PLB1: variants seen among roughly 807,000 people sequenced by gnomAD.
PLB1 encodes the protein phospholipase B1, membrane-associated.
In PLB1, 242 loss-of-function variants were observed where a neutral mutation model predicts 227.4. The ratio of observed to expected loss-of-function variants is 1.06; its 90% CI spans 0.96 to 1.18. The LOEUF is 1.18. Ranked by LOEUF, PLB1 falls within the 50% of genes most tolerant of loss-of-function variation. The pLI is 0.00. For missense variants in PLB1, 1,858 were observed against 1,816.3 expected (o/e 1.02, Z -0.42); for synonymous variants, 757 against 682.2 (o/e 1.11, Z -1.71).
chr2:28,612,882 T>C (rs1191231105), intron 43 of PLB1, among the ~76,000 whole-genome samples: 1 of 150,682 alleles, frequency 6.6e-6, no homozygotes, highest in Non-Finnish European at 1.5e-5. Context: ...CCTCCCAAAG[T>C]GCTGGGGTTA....
chr2:28,539,912 C>A (rs376449556), intron 11 of PLB1, among the ~76,000 whole-genome samples: 6 of 151,434 alleles, frequency 4.0e-5, no homozygotes, highest in African/African-American at 1.5e-4. Context: ...CATTCCATAT[C>A]TACCCCCCAG....
At position 28,582,645 on chromosome 2, in the gene PLB1, C is replaced by G. The variant is rs190140468; in HGVS notation, c.1733+140C>G. The G allele has an allele frequency of 6.1e-4, 413 of 677,138 alleles. 1 individual carries two copies. In the African/African-American group the frequency reaches 6.3e-3, roughly 10 times the overall value. The allele number at this position is 677,138 out of a possible 1,614,324, so 41.9% of individuals were successfully genotyped here. ...ACCCCATCTTCTAACCTGGAAAAGC[C>G]TAAGGGGAGGATATCCTAGGATTTT... On this transcript the variant is annotated intron_variant, in intron 25 of 57. Transcript: ENST00000327757.
intron 17 of PLB1, among the ~76,000 whole-genome samples, chr2:28,562,577 A>T (rs1453251956): frequency 2.1e-5 from 3 of 145,550 alleles, no homozygotes; most frequent in African/African-American, 7.7e-5. Flanking sequence ...GCATAAAAGT[A>T]TTCCTTTTTC....
At chr2:28,562,714 T>C (rs1676262298) in intron 17 of PLB1, among the ~76,000 whole-genome samples, 1 of 152,034 alleles carries the variant, frequency 6.6e-6, no homozygotes, top group South Asian at 2.1e-4. Context: ...CAAATCACCT[T>C]GCCAAGGGCC....
intron 20 of PLB1, among the ~76,000 whole-genome samples, chr2:28,567,299 A>G (rs1020126376): frequency 8.5e-5 from 13 of 152,110 alleles, no homozygotes; most frequent in African/African-American, 2.9e-4. Flanking sequence ...CCTGGGGCGC[A>G]GGCACAGCTG....
rs749185463 is a variant in PLB1, at chr2:28,525,266, G to T, written c.244-1G>T. ...GTGTTAACATTGAGTATCTATTCCAGCCTCCAGACCCAGGGACGGGCGATC... is the reference window on the plus strand; with the variant it reads ...GTGTTAACATTGAGTATCTATTCCATCCTCCAGACCCAGGGACGGGCGATC... On this transcript the variant is annotated splice_acceptor_variant, in intron 4 of 57. Transcript: ENST00000327757. LOFTEE classifies it high-confidence loss of function. The T allele has an allele frequency of 6.2e-7, 1 of 1,613,314 alleles. No individual in the cohort carries two copies. Among genetic ancestry groups the T allele is most frequent in the Non-Finnish European group, 8.5e-7 (1 of 1,179,888 alleles).
At chr2:28,640,807 C>T (rs973687288) in intron 56 of PLB1, 120 bp from the exon 57 acceptor site, 9 of 1,022,562 alleles carry the variant, frequency 8.8e-6, no homozygotes, top group South Asian at 3.1e-5. Flanking sequence ...CCAGCCACTT[C>T]GCTGGTTTCT....
chr2:28,641,064 C>T, intron 57 of PLB1, 63 bp downstream of exon 57: 1 of 1,500,028 alleles, frequency 6.7e-7, no homozygotes, highest in Non-Finnish European at 9.1e-7. Flanking sequence ...TGTCCTGTCC[C>T]CTGGAAGCAC....
intron 14 of PLB1, 147 bp downstream of exon 14, chr2:28,543,415 G>A (rs1268911139): frequency 2.7e-5 from 22 of 828,610 alleles, no homozygotes; most frequent in East Asian, 2.2e-4. Flanking sequence ...TCTGTCTCCC[G>A]GTGACGCCCC....
At chr2:28,571,198 A>G (rs1677953849) in intron 20 of PLB1, among the ~76,000 whole-genome samples, 2 of 152,256 alleles carry the variant, frequency 1.3e-5, no homozygotes, top group South Asian at 4.1e-4. Context: ...TATGAAAATG[A>G]AATTAATTCC....
chr2:28,534,111 TC>T (rs1399935012), intron 9 of PLB1, among the ~76,000 whole-genome samples: 2 of 152,248 alleles, frequency 1.3e-5, no homozygotes, highest in Non-Finnish European at 2.9e-5. Context: ...ACAGTTTTTT[TC>T]ACTAACCAAG....
intron 20 of PLB1, 109 bp downstream of exon 20, chr2:28,566,948 C>A: frequency 1.5e-6 from 2 of 1,293,244 alleles, no homozygotes; most frequent in Middle Eastern, 1.9e-4. Context: ...CTGCAGGAGC[C>A]CGCTAAATTC....
At chr2:28,517,138 A>C (rs1668950579) in intron 2 of PLB1, among the ~76,000 whole-genome samples, 1 of 152,224 alleles carries the variant, frequency 6.6e-6, no homozygotes, top group African/African-American at 2.4e-5. Context: ...TGTTATCTCC[A>C]TGAACCTTGA....
chr2:28,540,372 A>C lies in PLB1; in HGVS notation c.705A>C (p.Ala235=), dbSNP rs762967220. The change falls in exon 12 of 58, where the codon GCA becomes GCC. Residue 235 remains alanine, a synonymous_variant. Transcript: ENST00000327757. Reference sequence around the variant, plus strand: ...GGTGTGTTTTAACCTGCAGCCCTGCACCAGAGCCCTGTAATTGCTCAGAGG... The same window carrying C: ...GGTGTGTTTTAACCTGCAGCCCTGCCCCAGAGCCCTGTAATTGCTCAGAGG... ...RQYHGTWLSP[A]PEPCNCSEET... The C allele has an allele frequency of 3.1e-6, 5 of 1,613,958 alleles. No homozygotes were observed. In the Admixed American group the frequency reaches 8.3e-5, roughly 27 times the overall value.
chr2:28,511,413 C>G (rs1360093725), intron 1 of PLB1, among the ~76,000 whole-genome samples: 1 of 152,046 alleles, frequency 6.6e-6, no homozygotes, highest in Non-Finnish European at 1.5e-5. Flanking sequence ...TGGCTGGTCT[C>G]CAGTTTGTAC....
At chr2:28,529,543 C>G (rs769446088) in intron 7 of PLB1, 136 bp downstream of exon 7, 108 of 942,516 alleles carry the variant, frequency 1.1e-4, no homozygotes, top group Middle Eastern at 1.1e-3. Context: ...CCAAATGCCC[C>G]CTCAAGCTGA....
chr2:28,586,196 C>T (rs564470295), intron 26 of PLB1, among the ~76,000 whole-genome samples: 1 of 152,294 alleles, frequency 6.6e-6, no homozygotes, highest in South Asian at 2.1e-4. Flanking sequence ...GAATGTTAGA[C>T]ACATGGGCAA....
chr2:28,537,895 A>G (rs191387213), intron 9 of PLB1, among the ~76,000 whole-genome samples: 2 of 152,158 alleles, frequency 1.3e-5, no homozygotes, highest in African/African-American at 4.8e-5. Context: ...TCCGAGGCCC[A>G]TCTGGGGCCT....
At chr2:28,625,671 C>A (rs570444942) in intron 50 of PLB1, among the ~76,000 whole-genome samples, 1 of 152,166 alleles carries the variant, frequency 6.6e-6, no homozygotes, top group Non-Finnish European at 1.5e-5. Flanking sequence ...CTCCTTCCCC[C>A]GACCCTAAGA....
Sources: allele counts gnomAD v4.1 joint callset (sites outside exome capture counted in the v4.1 genomes callset), GRCh38; gene constraint gnomAD v4.1.1; transcripts MANE v1.5; gene names NCBI Gene and HGNC (gene_info 2026-07-23, HGNC 2026-07-21).